Variants in ZNF474 observed in about 807,000 individuals in gnomAD.
ZNF474 encodes 4933409D10Rik.
For synonymous variants in ZNF474, 192 were observed against 162.2 expected, an observed-to-expected ratio of 1.18 and a Z score of -1.39; for missense variants, 511 against 433.8, an observed-to-expected ratio of 1.18 and a Z score of -1.58.
chr5:122,137,269 A>G (rs544428959), intron 1 of ZNF474, among the ~76,000 whole-genome samples: 2 of 151,834 alleles, frequency 1.3e-5, no homozygotes, highest in South Asian at 4.2e-4. Flanking sequence ...GGGCAACAAC[A>G]GTAGCCCATC....
intron 1 of ZNF474, among the ~76,000 whole-genome samples, chr5:122,139,234 T>C (rs539386200): frequency 1.4e-4 from 21 of 152,320 alleles, no homozygotes; most frequent in Middle Eastern, 6.8e-3. Context: ...ATTTGAACTA[T>C]TGGGGCATTT....
At chr5:122,129,978 G>A (rs998979084) in intron 1 of ZNF474, among the ~76,000 whole-genome samples, 3 of 152,110 alleles carry the variant, frequency 2.0e-5, no homozygotes, top group Non-Finnish European at 4.4e-5. Flanking sequence ...CTATGGATTA[G>A]ATGTTCTAAT....
chr5:122,134,258 G>T (rs1210645344), intron 1 of ZNF474, among the ~76,000 whole-genome samples: 4 of 152,138 alleles, frequency 2.6e-5, no homozygotes, highest in Non-Finnish European at 5.9e-5. Flanking sequence ...AAAAAGAATG[G>T]CAAAGTGCAA....
intron 1 of ZNF474, among the ~76,000 whole-genome samples, chr5:122,147,490 C>G (rs903880696): frequency 8.5e-5 from 13 of 152,116 alleles, no homozygotes; most frequent in African/African-American, 3.1e-4. Context: ...TCATCACTTA[C>G]ATTAGGTATT....
rs1756223160 is a variant in ZNF474 at position 122,152,649 on chromosome 5, G to C, written c.659G>C (p.Arg220Thr). Residue 220 changes from arginine to threonine, a missense_variant, in exon 2 of 2, where the codon AGG becomes ACG. By Grantham distance (71) the Arg-to-Thr change is moderately conservative. Transcript: ENST00000296600. Reference sequence around the variant, plus strand: ...TGTAGTGGAACCCCAGCCCGACCAAGGACTGTTATCTGCTACATATGTGGT... The same window carrying C: ...TGTAGTGGAACCCCAGCCCGACCAACGACTGTTATCTGCTACATATGTGGT... ...KACSGTPARP[R>T]TVICYICGKE... 2 of 1,614,142 alleles carry C rather than the reference G, an allele frequency of 1.2e-6. No individual in the cohort carries two copies. The highest frequency in any genetic ancestry group is 1.6e-4 in the Middle Eastern group (1 of 6,062).
intron 1 of ZNF474, among the ~76,000 whole-genome samples, chr5:122,133,975 T>C (rs954154888): frequency 1.3e-5 from 2 of 152,230 alleles, no homozygotes; most frequent in African/African-American, 2.4e-5. Flanking sequence ...TGAATAAATA[T>C]GTAATCTTAT....
At position 122,152,725 on chromosome 5, in the gene ZNF474, A is replaced by T. The variant is rs982230287; in HGVS notation, c.735A>T (p.Glu245Asp). The part of the protein sequence containing the change: ...SLPIHEPKCL[E>D]KWKMENDRLP... ...CTATTCATGAGCCCAAATGCCTGGA[A>T]AAGTGGAAAATGGAAAATGACCGGC... Residue 245 changes from glutamate to aspartate, a missense_variant, in exon 2 of 2, where the codon GAA becomes GAT. Transcript: ENST00000296600. The T allele has an allele frequency of 1.2e-6, 2 of 1,614,046 alleles. No individual in the cohort carries two copies. Among genetic ancestry groups the T allele is most frequent in the Admixed American group, 3.3e-5 (2 of 60,006 alleles).
intron 1 of ZNF474, among the ~76,000 whole-genome samples, chr5:122,137,911 T>C (rs1755744916): frequency 6.6e-6 from 1 of 152,226 alleles, no homozygotes; most frequent in Non-Finnish European, 1.5e-5. Context: ...TCTTCACCTA[T>C]GTGGTTGAAA....
chr5:122,152,881 C>A lies in ZNF474; in HGVS notation c.891C>A (p.Asp297Glu). The change falls in exon 2 of 2, where the codon GAC becomes GAA. Residue 297 changes from aspartate (D) to glutamate (E), a missense_variant. Transcript: ENST00000296600. ...ATTGTAGCCGAATCTTTACCTCAGA[C>A]CGCCTCCTGGTACACCAGAGAAGTT... ...CPHCSRIFTS[D>E]RLLVHQRSCK... is the part of the protein sequence containing the mutation. The A allele has an allele frequency of 3.7e-6, 6 of 1,614,140 alleles. No homozygotes were observed. The highest frequency in any genetic ancestry group is 5.1e-6 in the Non-Finnish European group (6 of 1,180,040).
chr5:122,153,304 T>C lies in ZNF474; in HGVS notation c.*219T>C. ...TGTCTAAAAGAAGAAGAGATGGACT[T>C]CTTTCTTCCCTGATCCCTGATACAA... On this transcript the variant is annotated 3_prime_UTR_variant, in exon 2 of 2. Transcript: ENST00000296600. 1 of 515,784 alleles carries C rather than the reference T, an allele frequency of 1.9e-6. No homozygotes were observed. Among genetic ancestry groups the C allele is most frequent in the Non-Finnish European group, 3.4e-6 (1 of 296,310 alleles). The allele number at this position is 515,784 out of a possible 1,614,324, so 32.0% of individuals were successfully genotyped here. A position where few individuals can be genotyped will look rare whatever the true frequency, so the allele number is the denominator to read the frequency against.
chr5:122,136,182 G>A (rs4895181), intron 1 of ZNF474, among the ~76,000 whole-genome samples: 8,001 of 152,210 alleles, frequency 0.053, 299 homozygotes, highest in Middle Eastern at 0.1. Context: ...AATGCTTGAG[G>A]AGGTAGATAT....
intron 1 of ZNF474, among the ~76,000 whole-genome samples, chr5:122,140,117 G>C (rs1248113174): frequency 6.6e-6 from 1 of 152,138 alleles, no homozygotes. Context: ...GGAAACCCTA[G>C]GTATTACTGT....
chr5:122,147,017 G>A (rs1202254570), intron 1 of ZNF474, among the ~76,000 whole-genome samples: 2 of 152,216 alleles, frequency 1.3e-5, no homozygotes, highest in Admixed American at 6.5e-5. Flanking sequence ...GAGTTGAGTG[G>A]AATGGCTATT....
At chr5:122,142,757 C>T (rs1243263515) in intron 1 of ZNF474, among the ~76,000 whole-genome samples, 1 of 152,150 alleles carries the variant, frequency 6.6e-6, no homozygotes, top group Non-Finnish European at 1.5e-5. Flanking sequence ...ATTTTGATGA[C>T]TTATTCACAT....
At chr5:122,144,610 C>T (rs748732610) in intron 1 of ZNF474, among the ~76,000 whole-genome samples, 2 of 152,146 alleles carry the variant, frequency 1.3e-5, no homozygotes, top group Non-Finnish European at 2.9e-5. Context: ...TAGCTATGGA[C>T]CAGATGTGCC....
chr5:122,143,464 A>G (rs1305863265), intron 1 of ZNF474, among the ~76,000 whole-genome samples: 1 of 152,208 alleles, frequency 6.6e-6, no homozygotes, highest in African/African-American at 2.4e-5. Context: ...TGTAGATACT[A>G]AAATATGGTT....
intron 1 of ZNF474, among the ~76,000 whole-genome samples, chr5:122,133,492 A>T (rs1316263022): frequency 6.6e-6 from 1 of 152,190 alleles, no homozygotes. Flanking sequence ...TCCATAAAAT[A>T]CCTATTTCTT....
chr5:122,153,161 C>A lies in ZNF474; in HGVS notation c.*76C>A. The A allele has an allele frequency of 6.6e-7, 1 of 1,523,642 alleles. No homozygotes were observed. The highest frequency in any genetic ancestry group is 1.4e-5 in the African/African-American group (1 of 72,056). 94.4% of individuals were successfully genotyped at this position (1,523,642 alleles called of 1,614,324 possible). A position where few individuals can be genotyped will look rare whatever the true frequency, so the allele number is the denominator to read the frequency against. On this transcript the variant is annotated 3_prime_UTR_variant, in exon 2 of 2. Transcript: ENST00000296600. ...TTTTTCTATCAATGCCTTGTATCAG[C>A]CTCAAAGCAGCCTGTTCAAGTTAAC...
Position 122,152,659 on chromosome 5 carries a change from C to G in ZNF474, c.669C>G (p.Ile223Met). ...SGTPARPRTV[I>M]CYICGKEFGT... ...CCCCAGCCCGACCAAGGACTGTTAT[C>G]TGCTACATATGTGGTAAGGAATTTG... The change falls in exon 2 of 2, where the codon ATC becomes ATG. Residue 223 changes from isoleucine (I) to methionine (M), a missense_variant. Physicochemically the swap from Ile to Met is conservative, Grantham distance 10. Coordinates refer to ENST00000296600, the MANE Select transcript of ZNF474 (RefSeq NM_207317.3). 1.9e-6 allele frequency: 3 copies of G among 1,614,206 alleles called. No individual in the cohort carries two copies. In the Middle Eastern group the frequency reaches 4.9e-4, roughly 266 times the overall value.
Sources: allele counts gnomAD v4.1 joint callset (sites outside exome capture counted in the v4.1 genomes callset), GRCh38; gene constraint gnomAD v4.1.1; transcripts MANE v1.5; gene names NCBI Gene and HGNC (gene_info 2026-07-23, HGNC 2026-07-21).